Variants in LIMS1 observed in about 807,000 individuals in gnomAD.
LIMS1 encodes LIM and senescent cell antigen-like-containing domain protein 1.
In LIMS1, 18 loss-of-function variants were observed where a neutral mutation model predicts 44.1. The ratio of observed to expected loss-of-function variants is 0.41; its 90% CI spans 0.28 to 0.61. The LOEUF (loss-of-function observed/expected upper bound fraction) is 0.61, where lower values mean the gene tolerates loss of function less well. LIMS1 is among the 20% of genes least tolerant of loss of function. LIMS1 has a pLI of 0.32. For missense variants in LIMS1, 201 were observed against 422.0 expected, an observed-to-expected ratio of 0.48 and a Z score of 4.59; for synonymous variants, 93 against 149.1, an observed-to-expected ratio of 0.62 and a Z score of 2.74.
chr2:108,643,714 G>T (rs963648538), intron 1 of LIMS1, among the ~76,000 whole-genome samples: 2 of 152,150 alleles, frequency 1.3e-5, no homozygotes, highest in African/African-American at 4.8e-5. Context: ...GAGCCAAGAG[G>T]TCTGGCTTGA....
chr2:108,621,341 G>A lies in LIMS1; in HGVS notation c.33-38264G>A. The A allele has an allele frequency of 3.2e-6, 5 of 1,550,048 alleles. No individual in the cohort carries two copies. The South Asian group carries it at 4.8e-5, about 15-fold the overall frequency. ...ATGCTTTAAAGTGTCAGCAATTGAT[G>A]TGTGGAGAGAAGTATGACTGCATTA... On this transcript the variant is annotated intron_variant, in intron 1 of 9. Coordinates refer to ENST00000544547, the Ensembl canonical transcript of LIMS1.
At chr2:108,654,206 G>A (rs973438098) in intron 1 of LIMS1, among the ~76,000 whole-genome samples, 2 of 151,860 alleles carry the variant, frequency 1.3e-5, no homozygotes, top group Admixed American at 1.3e-4. Flanking sequence ...GTTTCCTTTC[G>A]CATTGCTAAC....
At chr2:108,538,187 G>C (rs1684203989) in intron 1 of LIMS1, among the ~76,000 whole-genome samples, 1 of 152,176 alleles carries the variant, frequency 6.6e-6, no homozygotes, top group Admixed American at 6.5e-5. Flanking sequence ...TGAGAAGCAG[G>C]AGCTGCACTA....
upstream of LIMS1, chr2:108,533,876 G>A (rs1381832777): frequency 1.3e-5 from 2 of 152,698 alleles, no homozygotes; most frequent in Admixed American, 6.5e-5. Flanking sequence ...GGCACCCAGC[G>A]GTGACCGATC....
intron 1 of LIMS1, among the ~76,000 whole-genome samples, chr2:108,537,832 C>G (rs577263204): frequency 6.6e-6 from 1 of 152,182 alleles, no homozygotes; most frequent in South Asian, 2.1e-4. Context: ...TTCCTTTCCT[C>G]CTAGAGAGGG....
In LIMS1 at chr2:108,662,073, C is replaced by T. The variant is rs559092687; in HGVS notation, c.192+2309C>T. On this transcript the variant is annotated intron_variant, in intron 2 of 9. Coordinates refer to ENST00000544547, the Ensembl canonical transcript of LIMS1. ...TTATGACAAAGGCCTTAGGAGAGCTCGGTCCAGGGGAGCAATAGAGAAGAA... is the reference window on the plus strand; with the variant it reads ...TTATGACAAAGGCCTTAGGAGAGCTTGGTCCAGGGGAGCAATAGAGAAGAA... Among the ~76,000 whole-genome samples, 308 of 152,234 alleles carry T rather than the reference C, an allele frequency of 2.0e-3. 3 individuals are homozygous for T. The highest frequency in any genetic ancestry group is 7.1e-3 in the African/African-American group (294 of 41,526).
chr2:108,555,918 A>T (rs150996518), intron 1 of LIMS1, among the ~76,000 whole-genome samples: 9 of 152,292 alleles, frequency 5.9e-5, no homozygotes, highest in African/African-American at 1.9e-4. Flanking sequence ...TAGTGGAGGT[A>T]GATTGGAAAT....
intron 2 of LIMS1, among the ~76,000 whole-genome samples, chr2:108,667,550 AAAT>A (rs56285633): frequency 0.042 from 3,736 of 88,158 alleles, 74 homozygotes; most frequent in Non-Finnish European, 0.072. Context: ...AAAAAAAAAA[AAAT>A]ATATATATAT....
At chr2:108,588,177 A>G (rs1686196910) in intron 1 of LIMS1, 2 of 200,858 alleles carry the variant, frequency 1.0e-5, no homozygotes, top group African/African-American at 2.4e-5. Context: ...TTAGCAGGAT[A>G]TGAGTTATGA....
chr2:108,659,860 A>C, intron 2 of LIMS1, 96 bp downstream of exon 2: 1 of 1,605,102 alleles, frequency 6.2e-7, no homozygotes, highest in Non-Finnish European at 8.5e-7. Flanking sequence ...GTTCAGTTTC[A>C]TGATGAAAGA....
At chr2:108,611,877 A>C (rs899121998) in intron 1 of LIMS1, among the ~76,000 whole-genome samples, 1 of 146,142 alleles carries the variant, frequency 6.8e-6, no homozygotes, top group African/African-American at 2.5e-5. Context: ...ATACACATAT[A>C]TATAAAATAT....
At chr2:108,548,764 A>G (rs576678238) in intron 1 of LIMS1, among the ~76,000 whole-genome samples, 73 of 152,326 alleles carry the variant, frequency 4.8e-4, no homozygotes, top group African/African-American at 1.7e-3. Context: ...AATGCTTTCT[A>G]TGACGGAAGT....
At chr2:108,656,310 T>G (rs1457820651) in intron 1 of LIMS1, among the ~76,000 whole-genome samples, 21 of 70,576 alleles carry the variant, frequency 3.0e-4, no homozygotes, top group African/African-American at 6.7e-4. Context: ...AATATCTATC[T>G]ATCTATCTAT....
At chr2:108,604,122 T>C (rs964665388) in intron 1 of LIMS1, among the ~76,000 whole-genome samples, 1 of 152,326 alleles carries the variant, frequency 6.6e-6, no homozygotes, top group East Asian at 1.9e-4. Context: ...TTCCTTTCCA[T>C]GTATTTATAT....
intron 1 of LIMS1, among the ~76,000 whole-genome samples, chr2:108,564,620 T>G (rs1685233047): frequency 6.6e-6 from 1 of 152,206 alleles, no homozygotes; most frequent in South Asian, 2.1e-4. Context: ...TCAAACTCAG[T>G]TGTACTCCCC....
intron 1 of LIMS1, among the ~76,000 whole-genome samples, chr2:108,568,795 C>T (rs189561819): frequency 7.2e-5 from 11 of 152,194 alleles, no homozygotes; most frequent in Admixed American, 3.3e-4. Context: ...TGTTGAACAC[C>T]TTTTTATATG....
Position 108,595,070 on chromosome 2 carries a change from T to C in LIMS1, c.32+60476T>C, listed in dbSNP as rs1331239923. ...CTCTTGAAAGAATGTGACCATATCA[T>C]GCAAGGACATTACTGACTGAAGGGC... On this transcript the variant is annotated intron_variant, in intron 1 of 9. Transcript: ENST00000544547. Among the ~76,000 whole-genome samples, 4 of 152,176 alleles carry C rather than the reference T, an allele frequency of 2.6e-5. No homozygotes were observed. The East Asian group carries it at 7.7e-4, about 29-fold the overall frequency.
chr2:108,599,740 C>T (rs1016049732), intron 1 of LIMS1, among the ~76,000 whole-genome samples: 1 of 152,084 alleles, frequency 6.6e-6, no homozygotes, highest in African/African-American at 2.4e-5. Context: ...GAGATGAGAT[C>T]TCATTGTACT....
rs563815114 is a variant in LIMS1 at position 108,672,007 on chromosome 2, G to A, written c.260-318G>A. Reference sequence around the variant, plus strand: ...AACATGGAGAAACCCCGTCTCTACTGAAAATACAAAATAGCCGGGCGTGGT... The same window carrying A: ...AACATGGAGAAACCCCGTCTCTACTAAAAATACAAAATAGCCGGGCGTGGT... On this transcript the variant is annotated intron_variant, in intron 3 of 9. Transcript: ENST00000544547. 8.5e-5 allele frequency among the ~76,000 whole-genome samples: 13 copies of A among 152,088 alleles called. No homozygotes were observed. In the East Asian group the frequency reaches 2.5e-3, roughly 29 times the overall value.
Sources: allele counts gnomAD v4.1 joint callset (sites outside exome capture counted in the v4.1 genomes callset), GRCh38; gene constraint gnomAD v4.1.1; transcripts MANE v1.5; gene names NCBI Gene and HGNC (gene_info 2026-07-23, HGNC 2026-07-21).